AUTS2: variants seen among roughly 807,000 people sequenced by gnomAD.
The protein encoded by AUTS2 is autism susceptibility gene 2 protein.
A neutral mutation model predicts 112.4 loss-of-function variants in AUTS2; 17 were observed. The ratio of observed to expected loss-of-function variants is 0.15; its 90% confidence interval spans 0.10 to 0.23. AUTS2 has a LOEUF of 0.23. AUTS2 is among the 10% of genes least tolerant of loss of function. The pLI, the probability that AUTS2 is intolerant of heterozygous loss-of-function variation, is 1.00. For missense variants in AUTS2, 1,510 were observed against 1,701.6 expected (o/e 0.89, Z 1.98); for synonymous variants, 751 against 702.7 (o/e 1.07, Z -1.09).
chr7:70,334,574 T>A (rs929453923), intron 4 of AUTS2, among the ~76,000 whole-genome samples: 1 of 152,188 alleles, frequency 6.6e-6, no homozygotes, highest in Non-Finnish European at 1.5e-5. Flanking sequence ...CAGATTGCCT[T>A]CATCTTGTCT....
intron 4 of AUTS2, among the ~76,000 whole-genome samples, chr7:70,209,122 T>G (rs745318861): frequency 1.3e-5 from 2 of 152,126 alleles, no homozygotes; most frequent in Non-Finnish European, 2.9e-5. Flanking sequence ...AGTTTAAGAC[T>G]AGGATTGTAG....
At chr7:70,693,212 G>A (rs941659494) in intron 5 of AUTS2, among the ~76,000 whole-genome samples, 2 of 152,188 alleles carry the variant, frequency 1.3e-5, no homozygotes, top group African/African-American at 4.8e-5. Context: ...TTGCTCAGGG[G>A]AATCTGCTGA....
chr7:69,804,419 T>C (rs1235813245), intron 1 of AUTS2, among the ~76,000 whole-genome samples: 1 of 152,232 alleles, frequency 6.6e-6, no homozygotes, highest in Non-Finnish European at 1.5e-5. Context: ...TCCTATAGCA[T>C]GTCAGAGGTT....
intron 5 of AUTS2, among the ~76,000 whole-genome samples, chr7:70,636,683 G>GCC: frequency 6.8e-6 from 1 of 146,982 alleles, no homozygotes; most frequent in South Asian, 2.1e-4. Flanking sequence ...GTCTCACTCT[G>GCC]TCTCCCAGGC....
chr7:69,813,473 T>C (rs1360744454), intron 1 of AUTS2, among the ~76,000 whole-genome samples: 1 of 152,140 alleles, frequency 6.6e-6, no homozygotes, highest in African/African-American at 2.4e-5. Flanking sequence ...CTGCCCCCCA[T>C]TGGATAGATG....
chr7:70,557,017 C>G (rs916058212), intron 5 of AUTS2, among the ~76,000 whole-genome samples: 2 of 152,214 alleles, frequency 1.3e-5, no homozygotes, highest in Non-Finnish European at 2.9e-5. Context: ...TAACATGCCA[C>G]TTCTCACACT....
intron 1 of AUTS2, among the ~76,000 whole-genome samples, chr7:69,742,946 C>T (rs1787330836): frequency 6.6e-6 from 1 of 152,170 alleles, no homozygotes; most frequent in Non-Finnish European, 1.5e-5. Flanking sequence ...CCCAGATCCA[C>T]AGAAAAGATG....
chr7:70,342,747 CAG>C (rs1335652195), intron 4 of AUTS2, among the ~76,000 whole-genome samples: 7 of 152,186 alleles, frequency 4.6e-5, no homozygotes, highest in African/African-American at 1.2e-4. Flanking sequence ...GCATCCTTAA[CAG>C]AGAATACACT....
intron 4 of AUTS2, among the ~76,000 whole-genome samples, chr7:70,149,466 C>G (rs1019659323): frequency 6.6e-6 from 1 of 151,996 alleles, no homozygotes; most frequent in Admixed American, 6.6e-5. Flanking sequence ...AATTAACTAA[C>G]TTCTATTTCA....
At chr7:70,679,506 C>T (rs1321673254) in intron 5 of AUTS2, among the ~76,000 whole-genome samples, 3 of 151,832 alleles carry the variant, frequency 2.0e-5, no homozygotes, top group Non-Finnish European at 4.4e-5. Context: ...ATATTGTGTG[C>T]TTGAATCTGG....
intron 4 of AUTS2, among the ~76,000 whole-genome samples, chr7:70,282,969 C>G (rs1441518169): frequency 6.6e-6 from 1 of 152,086 alleles, no homozygotes; most frequent in Non-Finnish European, 1.5e-5. Flanking sequence ...TGACATAAAG[C>G]TAACATAGCA....
intron 1 of AUTS2, among the ~76,000 whole-genome samples, chr7:69,837,488 G>A (rs1184514210): frequency 6.6e-6 from 1 of 152,026 alleles, no homozygotes; most frequent in Non-Finnish European, 1.5e-5. Context: ...GCTGCTTCCT[G>A]CTTCATTATC....
intron 5 of AUTS2, among the ~76,000 whole-genome samples, chr7:70,460,048 C>G (rs944188205): frequency 5.3e-5 from 8 of 152,168 alleles, no homozygotes; most frequent in African/African-American, 1.9e-4. Flanking sequence ...ATCCCCACAG[C>G]CCCGGGAGGT....
At chr7:70,433,745 G>A (rs187266920) in intron 4 of AUTS2, among the ~76,000 whole-genome samples, 1 of 152,280 alleles carries the variant, frequency 6.6e-6, no homozygotes. Flanking sequence ...AGTAGAAAAT[G>A]TTCTAATCCT....
chr7:69,675,570 G>A (rs1233728196), intron 1 of AUTS2, among the ~76,000 whole-genome samples: 2 of 146,636 alleles, frequency 1.4e-5, no homozygotes, highest in Non-Finnish European at 3.0e-5. Flanking sequence ...GTGCAGTGGT[G>A]TGGTCTCATC....
At chr7:70,015,042 TGTG>T (rs1160532047) in intron 2 of AUTS2, among the ~76,000 whole-genome samples, 1 of 152,230 alleles carries the variant, frequency 6.6e-6, no homozygotes. Context: ...ATCCAGCTGT[TGTG>T]GTGGTTGCAG....
At chr7:69,979,688 T>C (rs1399523704) in intron 2 of AUTS2, among the ~76,000 whole-genome samples, 1 of 152,182 alleles carries the variant, frequency 6.6e-6, no homozygotes, top group African/African-American at 2.4e-5. Context: ...GAGTATGCAG[T>C]GCATCAAATG....
At chr7:69,695,946 C>T (rs1334173333) in intron 1 of AUTS2, among the ~76,000 whole-genome samples, 7 of 152,336 alleles carry the variant, frequency 4.6e-5, no homozygotes, top group Admixed American at 4.6e-4. Context: ...CTTTTTCCAT[C>T]TACAAATAGG....
intron 4 of AUTS2, among the ~76,000 whole-genome samples, chr7:70,432,291 G>C (rs188366851): frequency 2.4e-3 from 361 of 152,260 alleles, no homozygotes; most frequent in Non-Finnish European, 4.4e-3. Context: ...CCTGCATCAG[G>C]AGGTGGCTCA....
Sources: allele counts gnomAD v4.1 joint callset (sites outside exome capture counted in the v4.1 genomes callset), GRCh38; gene constraint gnomAD v4.1.1; transcripts MANE v1.5; gene names NCBI Gene and HGNC (gene_info 2026-07-23, HGNC 2026-07-21).